ARHGAP17: variants seen among roughly 807,000 people sequenced by gnomAD.
ARHGAP17 encodes the protein rho GTPase-activating protein 17.
In ARHGAP17, 57 loss-of-function variants were observed where a neutral mutation model predicts 99.5. The observed-to-expected ratio is 0.57, with a 90% CI of 0.46 to 0.71. The LOEUF (loss-of-function observed/expected upper bound fraction) is 0.71. ARHGAP17 is among the 30% of genes least tolerant of loss of function. The pLI, the probability that ARHGAP17 is intolerant of heterozygous loss-of-function variation, is 0.00. For missense variants in ARHGAP17, 1,000 were observed against 1,122.4 expected, an observed-to-expected ratio of 0.89 and a Z score of 1.56; for synonymous variants, 417 against 429.6, an observed-to-expected ratio of 0.97 and a Z score of 0.36.
intron 19 of ARHGAP17, among the ~76,000 whole-genome samples, chr16:24,924,885 A>T (rs1190655338): frequency 6.6e-6 from 1 of 152,090 alleles, no homozygotes; most frequent in Non-Finnish European, 1.5e-5. Flanking sequence ...AAATAAAAAA[A>T]AAAGCAGGTT....
At chr16:24,961,063 C>T (rs898939691) in intron 7 of ARHGAP17, among the ~76,000 whole-genome samples, 2 of 151,298 alleles carry the variant, frequency 1.3e-5, no homozygotes, top group African/African-American at 4.9e-5. Flanking sequence ...AAGGTTTTGC[C>T]ACGTTGGCCA....
At chr16:24,980,010 G>A (rs908588581) in intron 1 of ARHGAP17, among the ~76,000 whole-genome samples, 17 of 152,096 alleles carry the variant, frequency 1.1e-4, no homozygotes, top group African/African-American at 3.9e-4. Context: ...CGCGCCTGGC[G>A]TGAAGGAAAT....
intron 16 of ARHGAP17, 130 bp from the exon 17 acceptor site, chr16:24,939,727 C>A: frequency 1.0e-6 from 1 of 1,002,728 alleles, no homozygotes. Context: ...AGTGAAGCGG[C>A]AAGGACCAGA....
intron 12 of ARHGAP17, among the ~76,000 whole-genome samples, chr16:24,950,836 C>CAAACAAAAAAAAAAAAAAAA (rs1386246671): frequency 1.5e-4 from 6 of 39,428 alleles, no homozygotes; most frequent in African/African-American, 5.2e-4. Flanking sequence ...GACTCCAACT[C>CAAACAAAAAAAAAAAAAAAA]AAAAAAAAAA....
At chr16:24,967,688 C>T (rs1385091301) in intron 6 of ARHGAP17, among the ~76,000 whole-genome samples, 1 of 149,658 alleles carries the variant, frequency 6.7e-6, no homozygotes, top group East Asian at 2.0e-4. Flanking sequence ...CCTGGGATGC[C>T]GAGGCAGAAG....
chr16:24,989,421 A>T (rs2052968539), intron 1 of ARHGAP17, among the ~76,000 whole-genome samples: 1 of 152,350 alleles, frequency 6.6e-6, no homozygotes, highest in Middle Eastern at 3.4e-3. Flanking sequence ...GAAAAATAGT[A>T]AAAATAAAAA....
intron 6 of ARHGAP17, 30 bp downstream of exon 6, chr16:24,968,321 C>A (rs1567237725): frequency 6.2e-7 from 1 of 1,611,046 alleles, no homozygotes; most frequent in South Asian, 1.1e-5. Context: ...GAATGGGACA[C>A]AATGCTGCAT....
intron 18 of ARHGAP17, among the ~76,000 whole-genome samples, chr16:24,933,967 C>G (rs1235019713): frequency 6.6e-6 from 1 of 152,112 alleles, no homozygotes; most frequent in Non-Finnish European, 1.5e-5. Flanking sequence ...TAACTTCCCT[C>G]AAGGATCAGC....
At chr16:24,938,893 C>T (rs1438247947) in intron 17 of ARHGAP17, among the ~76,000 whole-genome samples, 3 of 152,176 alleles carry the variant, frequency 2.0e-5, no homozygotes, top group South Asian at 2.1e-4. Context: ...TTAGTCACCT[C>T]ATGTGCCTAG....
chr16:24,997,882 CT>C (rs1160803321), intron 1 of ARHGAP17, among the ~76,000 whole-genome samples: 4 of 152,138 alleles, frequency 2.6e-5, no homozygotes, highest in Non-Finnish European at 5.9e-5. Context: ...ATCCAGTTCC[CT>C]TTTTTCTAGA....
intron 1 of ARHGAP17, among the ~76,000 whole-genome samples, chr16:24,982,297 G>C (rs1414969304): frequency 1.3e-5 from 2 of 152,006 alleles, no homozygotes; most frequent in African/African-American, 2.4e-5. Context: ...CCAGCTACCT[G>C]GGAGGTTGAG....
rs1291022566 is a variant in ARHGAP17, at chr16:24,968,649, T to C, written c.384+12A>G. On this transcript the variant is annotated intron_variant, in intron 5 of 19. Transcript: ENST00000289968. ...CTCTCGGCTCTTCCGTGCTGCACGG[T>C]GAAGCACCCACCTCAGCTATGCCGT... 1 of 1,613,806 alleles carries C rather than the reference T, an allele frequency of 6.2e-7. No homozygotes were observed. Among genetic ancestry groups the C allele is most frequent in the African/African-American group, 1.3e-5 (1 of 74,910 alleles).
chr16:24,933,236 T>C (rs1325744301), intron 18 of ARHGAP17, among the ~76,000 whole-genome samples: 1 of 148,798 alleles, frequency 6.7e-6, no homozygotes, highest in Non-Finnish European at 1.5e-5. Flanking sequence ...CGGTGGCTCA[T>C]GCCTGTATTC....
intron 12 of ARHGAP17, among the ~76,000 whole-genome samples, chr16:24,949,862 C>T (rs1243677313): frequency 2.6e-5 from 4 of 152,196 alleles, no homozygotes; most frequent in African/African-American, 9.7e-5. Context: ...CTCAAGCAGC[C>T]CAGCCACAGA....
Position 24,964,388 on chromosome 16 carries a change from G to C in ARHGAP17, c.462-80C>G, listed in dbSNP as rs1032174119. Reference sequence around the variant, plus strand: ...CTGGAGGCAGGACCTGGTGGAGATAGATCCTTCCCCACAATTGATTCTACC... The same window carrying C: ...CTGGAGGCAGGACCTGGTGGAGATACATCCTTCCCCACAATTGATTCTACC... On this transcript the variant is annotated intron_variant, in intron 6 of 19. Transcript: ENST00000289968. 19 of 940,248 alleles carry C rather than the reference G, an allele frequency of 2.0e-5. No homozygotes were observed. In the African/African-American group the frequency reaches 3.0e-4, roughly 15 times the overall value. The allele number at this position is 940,248 out of a possible 1,614,324, so 58.2% of individuals were successfully genotyped here.
At chr16:24,994,892 T>C (rs2053149285) in intron 1 of ARHGAP17, among the ~76,000 whole-genome samples, 2 of 152,200 alleles carry the variant, frequency 1.3e-5, no homozygotes, top group African/African-American at 4.8e-5. Flanking sequence ...TGTTCTCACA[T>C]TGCTAATAAA....
chr16:25,010,623 T>C (rs561500731), intron 1 of ARHGAP17, among the ~76,000 whole-genome samples: 13 of 152,346 alleles, frequency 8.5e-5, no homozygotes, highest in African/African-American at 3.1e-4. Flanking sequence ...TTCTGAGTCC[T>C]TCTAGACAAG....
At chr16:24,998,372 C>G (rs994389520) in intron 1 of ARHGAP17, among the ~76,000 whole-genome samples, 1 of 151,946 alleles carries the variant, frequency 6.6e-6, no homozygotes, top group East Asian at 1.9e-4. Context: ...CAAGGCAGCG[C>G]CCAGGACAGC....
chr16:24,935,880 C>A, intron 17 of ARHGAP17: 1 of 500,492 alleles, frequency 2.0e-6, no homozygotes, highest in Non-Finnish European at 3.6e-6. Flanking sequence ...CTATGTTGCC[C>A]AGGTTGGTCT....
Sources: gnomAD v4.1 joint callset for allele counts (sites outside exome capture counted in the v4.1 genomes callset) on GRCh38, gnomAD v4.1.1 for gene constraint, MANE v1.5 for transcripts, NCBI Gene and HGNC (gene_info 2026-07-23, HGNC 2026-07-21) for gene names.